The following SLC38A10 variants were observed in gnomAD, a reference collection of about 807,000 sequenced individuals.
SLC38A10 encodes the protein solute carrier family 38 member 10.
In SLC38A10, 53 loss-of-function variants were observed where a neutral mutation model predicts 81.0. The observed-to-expected ratio is 0.65, with a 90% CI of 0.53 to 0.82. SLC38A10 has a LOEUF of 0.82. Ranked by LOEUF, SLC38A10 falls within the 40% of genes least tolerant of loss-of-function variation. The pLI is 0.00. For synonymous variants in SLC38A10, 665 were observed against 655.3 expected (o/e 1.01, Z -0.23); for missense variants, 1,471 against 1,545.0 (o/e 0.95, Z 0.80).
Position 81,289,726 on chromosome 17 carries a change from G to A in SLC38A10, c.182C>T (p.Ala61Val), listed in dbSNP as rs748169795. 2 of 1,611,282 alleles carry A rather than the reference G, an allele frequency of 1.2e-6. No individual in the cohort carries two copies. The highest frequency in any genetic ancestry group is 1.1e-5 in the South Asian group (1 of 90,792). Residue 61 changes from alanine to valine, a missense_variant, in exon 2 of 16, where the codon GCC becomes GTC. This residue lies in a region of SLC38A10 where 720 missense variants were observed against 827.7 expected (regional missense o/e 0.87). Coordinates refer to ENST00000374759, the MANE Select transcript of SLC38A10 (RefSeq NM_001037984.3). This position sits in a 1 kb window ranked among gnomAD's most constrained non-coding sequence, Gnocchi z 5.9. ...GTAGGTCCTCCGCTTGCTCAGGCTG[G>A]CCGACTTCACCAAGAACATGCACGA... Reference protein sequence around the residue: ...HQSCMFLVKSASLSKRRTYAG... With the variant: ...HQSCMFLVKSVSLSKRRTYAG...
chr17:81,251,439 G>C (rs200011449), intron 14 of SLC38A10, 54 bp downstream of exon 14: 5 of 1,608,322 alleles, frequency 3.1e-6, no homozygotes, highest in Non-Finnish European at 2.5e-6. Flanking sequence ...GGCTGGGGGA[G>C]GGGGCTGCCG....
At position 81,283,354 on chromosome 17, in the gene SLC38A10, G is replaced by T; in HGVS notation, c.357+55C>A. On this transcript the variant is annotated intron_variant, in intron 4 of 15. Coordinates refer to ENST00000374759, the MANE Select transcript of SLC38A10 (RefSeq NM_001037984.3). The surrounding 1 kb of genome is among the most constrained non-coding windows in gnomAD (Gnocchi z 4.7). ...GGTCCTCGGGAGGATCCCACAGAGG[G>T]CCTCAGAGCAGCCGTCAGCATCTGA... 6.7e-7 allele frequency: 1 copy of T among 1,499,124 alleles called. No individual in the cohort carries two copies. Among genetic ancestry groups the T allele is most frequent in the Non-Finnish European group, 9.2e-7 (1 of 1,088,352 alleles). The allele number at this position is 1,499,124 out of a possible 1,614,324, so 92.9% of individuals were successfully genotyped here. A position where few individuals can be genotyped will look rare whatever the true frequency, so the allele number is the denominator to read the frequency against.
chr17:81,255,074 G>A (rs998947883), intron 11 of SLC38A10, among the ~76,000 whole-genome samples: 2 of 152,270 alleles, frequency 1.3e-5, no homozygotes, highest in Admixed American at 6.5e-5. Context: ...TGCAGGAGCC[G>A]CGGGACGGGA....
At position 81,246,234 on chromosome 17, in the gene SLC38A10, T is replaced by G. The variant is rs760468514; in HGVS notation, c.2682A>C (p.Lys894Asn). Reference protein sequence around the residue: ...DVTGGSQDRKKPGKEVAATGT... With the variant: ...DVTGGSQDRKNPGKEVAATGT... ...CAGTGGCTGCCACCTCCTTCCCAGGTTTTTTCCTGTCTTGGGAACCGCCAG... is the reference window on the plus strand; with the variant it reads ...CAGTGGCTGCCACCTCCTTCCCAGGGTTTTTCCTGTCTTGGGAACCGCCAG... The change falls in exon 16 of 16, where the codon AAA (lysine) becomes AAC (asparagine). Residue 894 changes from lysine (K) to asparagine (N), a missense_variant. Lys to Asn is a moderately conservative substitution (Grantham distance 94). Coordinates refer to ENST00000374759, the MANE Select transcript of SLC38A10 (RefSeq NM_001037984.3). The G allele has an allele frequency of 6.2e-7, 1 of 1,612,572 alleles. No individual in the cohort carries two copies. Among genetic ancestry groups the G allele is most frequent in the Non-Finnish European group, 8.5e-7 (1 of 1,179,892 alleles).
intron 1 of SLC38A10, among the ~76,000 whole-genome samples, chr17:81,293,035 T>C (rs918983728): frequency 1.3e-5 from 2 of 152,204 alleles, no homozygotes; most frequent in Non-Finnish European, 2.9e-5. Context: ...TGGTGGCACA[T>C]GCCTGTAATC....
chr17:81,252,005 A>T, intron 13 of SLC38A10, 190 bp downstream of exon 13: 2 of 779,984 alleles, frequency 2.6e-6, no homozygotes, highest in Non-Finnish European at 2.0e-6. Flanking sequence ...GACAGATATT[A>T]CAGTAGCTGT....
chr17:81,257,625 TC>T (rs2062984833), intron 11 of SLC38A10, among the ~76,000 whole-genome samples: 1 of 152,178 alleles, frequency 6.6e-6, no homozygotes, highest in Non-Finnish European at 1.5e-5. Flanking sequence ...GGGCTGTGTG[TC>T]CCCGCTTGGG....
rs957696427 is a variant in SLC38A10 at position 81,252,217 on chromosome 17, C to G, written c.1923G>C (p.Gln641His). ...CACCGTGGTCGCTGTCCTCTGCGGGCTGCCCTGTGTCCCCGGCGGCGTTGC... is the reference window on the plus strand; with the variant it reads ...CACCGTGGTCGCTGTCCTCTGCGGGGTGCCCTGTGTCCCCGGCGGCGTTGC... ...PPGNAAGDTG[Q>H]PAEDSDHGGK... Residue 641 changes from glutamine to histidine, a missense_variant, in exon 13 of 16, where the codon CAG (glutamine) becomes CAC (histidine). By Grantham distance (24) the Gln-to-His change is conservative. This residue lies in a region of SLC38A10 where 751 missense variants were observed against 717.4 expected (regional missense o/e 1.05). Transcript: ENST00000374759. 6.6e-7 allele frequency: 1 copy of G among 1,526,616 alleles called. No individual in the cohort carries two copies. Among genetic ancestry groups the G allele is most frequent in the Non-Finnish European group, 8.8e-7 (1 of 1,141,186 alleles). The allele number at this position is 1,526,616 out of a possible 1,614,324, so 94.6% of individuals were successfully genotyped here.
Position 81,245,563 on chromosome 17 carries a change from T to C in SLC38A10, c.3353A>G (p.Glu1118Gly). 1 of 1,604,838 alleles carries C rather than the reference T, an allele frequency of 6.2e-7. No homozygotes were observed. Among genetic ancestry groups the C allele is most frequent in the Non-Finnish European group, 8.5e-7 (1 of 1,175,904 alleles). The change falls in exon 16 of 16, where the codon GAG (glutamate) becomes GGG (glycine). Residue 1118 changes from glutamate (E) to glycine (G), a missense_variant. Around this residue, in one of 2 missense-constraint regions of SLC38A10, gnomAD observed 751 missense variants for 717.4 expected, o/e 1.05. Transcript: ENST00000374759. ...CCTCATGGCCAGCAGGTGCTAGGAC[T>C]CCTCTGGAGGCCCAGGCGCCTGTCT... ...QLRQAPGPPE[E>G]S
intron 9 of SLC38A10, among the ~76,000 whole-genome samples, chr17:81,272,233 C>T (rs899005552): frequency 6.6e-6 from 1 of 152,074 alleles, no homozygotes; most frequent in East Asian, 1.9e-4. Flanking sequence ...GGTTTCTCCA[C>T]ATTGGTCAGG....
rs756563054 is a variant in SLC38A10 at position 81,253,150 on chromosome 17, T to C, written c.1379A>G (p.Lys460Arg). Residue 460 changes from lysine (K) to arginine (R), a missense_variant, in exon 12 of 16, where the codon AAG becomes AGG. By Grantham distance (26) the Lys-to-Arg change is conservative. Around this residue, in one of 2 missense-constraint regions of SLC38A10, gnomAD observed 720 missense variants for 827.7 expected, o/e 0.87. Coordinates refer to ENST00000374759, the MANE Select transcript of SLC38A10 (RefSeq NM_001037984.3). The surrounding 1 kb of genome is among the most constrained non-coding windows in gnomAD (Gnocchi z 4.1). Reference protein sequence around the residue: ...EREELEQAQIKGPVDVPGRED... With the variant: ...EREELEQAQIRGPVDVPGRED... ...CCGTCCAGGCACATCCACGGGCCCC[T>C]TGATCTGGGCCTGCTCCAGCTCCTC... The C allele has an allele frequency of 2.5e-6, 4 of 1,613,934 alleles. No homozygotes were observed. In the South Asian group the frequency reaches 3.3e-5, roughly 13 times the overall value.
At position 81,282,943 on chromosome 17, in the gene SLC38A10, C is replaced by T. The variant is rs147046206; in HGVS notation, c.357+466G>A. Among the ~76,000 whole-genome samples, 54 of 152,256 alleles carry T rather than the reference C, an allele frequency of 3.5e-4. 1 individual carries two copies. The highest frequency in any genetic ancestry group is 1.2e-3 in the South Asian group (6 of 4,830). ...AGTGAGGGGCTCTGCTCCCCGGCAGCGAGGGAAAGGTGTGTGGGCCCGTCA... is the reference window on the plus strand; with the variant it reads ...AGTGAGGGGCTCTGCTCCCCGGCAGTGAGGGAAAGGTGTGTGGGCCCGTCA... On this transcript the variant is annotated intron_variant, in intron 4 of 15. Transcript: ENST00000374759.
rs996225378 is a variant in SLC38A10 at position 81,251,672 on chromosome 17, G to A, written c.1946-60C>T. On this transcript the variant is annotated intron_variant, in intron 13 of 15. Transcript: ENST00000374759. ...GGAAAGTCAAGGGAGGGTTTGGGGGGTTGGGGGACAGAAGGCAAGGGCGGG... is the reference window on the plus strand; with the variant it reads ...GGAAAGTCAAGGGAGGGTTTGGGGGATTGGGGGACAGAAGGCAAGGGCGGG... 7 of 1,437,946 alleles carry A rather than the reference G, an allele frequency of 4.9e-6. No individual in the cohort carries two copies. In the Admixed American group the frequency reaches 1.1e-4, roughly 22 times the overall value. 89.1% of individuals were successfully genotyped at this position (1,437,946 alleles called of 1,614,324 possible). A position where few individuals can be genotyped will look rare whatever the true frequency, so the allele number is the denominator to read the frequency against.
chr17:81,259,410 A>C (rs1231719446), intron 11 of SLC38A10, among the ~76,000 whole-genome samples: 1 of 152,224 alleles, frequency 6.6e-6, no homozygotes, highest in Non-Finnish European at 1.5e-5. Flanking sequence ...AGCTGTCGTC[A>C]GAGGCAGAAG....
At position 81,281,385 on chromosome 17, in the gene SLC38A10, G is replaced by C. The variant is rs934288311; in HGVS notation, c.502-652C>G. Among the ~76,000 whole-genome samples, 6 of 152,292 alleles carry C rather than the reference G, an allele frequency of 3.9e-5. 1 individual carries two copies. In the South Asian group the frequency reaches 1.0e-3, roughly 26 times the overall value. ...CTCCTATGGGCAGGGGCCTGGCAGA[G>C]AATGGAGGGTGTGCTGGGGGCTCTG... is the stretch of plus-strand genomic sequence containing the variant. On this transcript the variant is annotated intron_variant, in intron 5 of 15. Coordinates refer to ENST00000374759, the MANE Select transcript of SLC38A10 (RefSeq NM_001037984.3). The surrounding 1 kb of genome is among the most constrained non-coding windows in gnomAD (Gnocchi z 5.3).
At position 81,251,619 on chromosome 17, in the gene SLC38A10, A is replaced by G; in HGVS notation, c.1946-7T>C. On this transcript the variant is annotated splice_region_variant and splice_polypyrimidine_tract_variant and intron_variant, in intron 13 of 15. Coordinates refer to ENST00000374759, the MANE Select transcript of SLC38A10 (RefSeq NM_001037984.3). ...GGGAGGGGAGGCTTCCCACCTGCAC[A>G]CACGGTGAAGACTCAGAAGGTTTTG... The G allele has an allele frequency of 6.7e-7, 1 of 1,484,314 alleles. No homozygotes were observed. The highest frequency in any genetic ancestry group is 8.9e-7 in the Non-Finnish European group (1 of 1,125,468). The allele number at this position is 1,484,314 out of a possible 1,614,324, so 91.9% of individuals were successfully genotyped here.
intron 6 of SLC38A10, among the ~76,000 whole-genome samples, chr17:81,278,214 C>T (rs2063179429): frequency 1.0e-5 from 1 of 96,260 alleles, no homozygotes; most frequent in Admixed American, 1.0e-4. Context: ...ACAGGACATC[C>T]TGACTTTATT....
chr17:81,279,033 A>G (rs954284667), intron 6 of SLC38A10, among the ~76,000 whole-genome samples: 3 of 152,216 alleles, frequency 2.0e-5, no homozygotes, highest in South Asian at 2.1e-4. Flanking sequence ...GCGCTGGCCC[A>G]TGGCCCCAGA....
rs144402091 is a variant in SLC38A10 at position 81,250,432 on chromosome 17, C to A, written c.2065+1061G>T. ...TCCCTCGGACCGGCTGTCCTGAGGC[C>A]ACAGGGCAAGATGCGCGGGCAGGAA... On this transcript the variant is annotated intron_variant, in intron 14 of 15. Transcript: ENST00000374759. Among the ~76,000 whole-genome samples the A allele has an allele frequency of 3.5e-3, 534 of 152,368 alleles. 2 individuals carry two copies. Among genetic ancestry groups the A allele is most frequent in the Middle Eastern group, 0.031 (9 of 294 alleles).
Sources: allele counts gnomAD v4.1 joint callset (sites outside exome capture counted in the v4.1 genomes callset), GRCh38; gene constraint gnomAD v4.1.1; regional missense constraint gnomAD v4.1.1; non-coding constraint Gnocchi (gnomAD v3.1); transcripts MANE v1.5; gene names NCBI Gene and HGNC (gene_info 2026-07-23, HGNC 2026-07-21).